The following SPEG variants were observed in gnomAD, a reference collection of about 807,000 sequenced individuals.
SPEG encodes the protein striated muscle preferentially expressed protein kinase.
SPEG carries 114 observed loss-of-function variants against 300.4 expected under a neutral mutation model. The observed-to-expected ratio is 0.38, with a 90% CI of 0.33 to 0.44. The LOEUF is 0.44. Ranked by LOEUF, SPEG falls within the 20% of genes least tolerant of loss-of-function variation. The pLI is 1.00. For missense variants in SPEG, 4,201 were observed against 4,586.2 expected (o/e 0.92, Z 2.43); for synonymous variants, 1,964 against 2,018.9 (o/e 0.97, Z 0.73).
chr2:219,489,716 G>A lies in SPEG; in HGVS notation c.8698G>A (p.Val2900Met), dbSNP rs1202142750. Residue 2900 changes from valine (V) to methionine (M), a missense_variant, in exon 36 of 41, where the codon GTG (valine) becomes ATG (methionine). Transcript: ENST00000312358. ...TAAACCAGTGTCTTCCTCTACTCCT[G>A]TGTATGTGGTGACTTCCTTTGTGTC... ...GVKPVSSSTP[V>M]YVVTSFVSAP... 6.2e-7 allele frequency: 1 copy of A among 1,614,026 alleles called. No individual in the cohort carries two copies. Among genetic ancestry groups the A allele is most frequent in the South Asian group, 1.1e-5 (1 of 91,074 alleles).
At chr2:219,471,201 C>T (rs1484363073) in intron 13 of SPEG, among the ~76,000 whole-genome samples, 1 of 152,154 alleles carries the variant, frequency 6.6e-6, no homozygotes, top group Non-Finnish European at 1.5e-5. Context: ...CCCACTTAAA[C>T]TATGTCTTGA....
intron 6 of SPEG, among the ~76,000 whole-genome samples, chr2:219,452,180 A>G (rs1430587489): frequency 6.6e-6 from 1 of 152,130 alleles, no homozygotes; most frequent in African/African-American, 2.4e-5. Flanking sequence ...AGGGTTTAAG[A>G]GCCACCACAA....
chr2:219,448,684 A>T lies in SPEG; in HGVS notation c.1526A>T (p.Glu509Val), dbSNP rs1361800090. The T allele has an allele frequency of 1.3e-6, 2 of 1,493,522 alleles. No homozygotes were observed. The highest frequency in any genetic ancestry group is 1.8e-6 in the Non-Finnish European group (2 of 1,129,854). The allele number at this position is 1,493,522 out of a possible 1,614,324, so 92.5% of individuals were successfully genotyped here. The change falls in exon 4 of 41, where the codon GAG (glutamate) becomes GTG (valine). Residue 509 changes from glutamate to valine, a missense_variant. This residue lies in a region of SPEG where 1,258 missense variants were observed against 1,293.9 expected (regional missense o/e 0.97). Coordinates refer to ENST00000312358, the MANE Select transcript of SPEG (RefSeq NM_005876.5). ...GRIRRSTSRE[E>V]LVRSHESLRA... ...ATCCGCCGCTCCACGTCGCGGGAGG[A>T]GCTGGTGCGCTCGCACGAGTCCCTG...
rs751326125 is a variant in SPEG at position 219,492,630 on chromosome 2, A to G, written c.9648A>G (p.Pro3216=). The change falls in exon 41 of 41, where the codon CCA becomes CCG. Residue 3216 remains proline (P), a synonymous_variant. Transcript: ENST00000312358. ...CCCTGCAGGACTGCCTGGCCCACCC[A>G]TGGTTGCAGGACGCCTACCTGATGA... ...RPSLQDCLAH[P]WLQDAYLMKL... is the part of the protein sequence containing the mutation. 1.2e-6 allele frequency: 2 copies of G among 1,610,986 alleles called. No homozygotes were observed. Among genetic ancestry groups the G allele is most frequent in the South Asian group, 1.1e-5 (1 of 91,072 alleles).
Position 219,435,179 on chromosome 2 carries a change from G to C in SPEG, c.202G>C (p.Gly68Arg). The change falls in exon 1 of 41, where the codon GGG becomes CGG. Residue 68 changes from glycine to arginine, a missense_variant. Coordinates refer to ENST00000312358, the MANE Select transcript of SPEG (RefSeq NM_005876.5). The stretch of plus-strand genomic sequence containing the variant: ...CGTGCGGCTGCGGGTGGTGGTGAGC[G>C]GGACGCCCCAGCCCAGCCTCCGCTG... Reference protein sequence around the residue: ...SDVRLRVVVSGTPQPSLRWFR... With the variant: ...SDVRLRVVVSRTPQPSLRWFR... 2.0e-6 allele frequency: 3 copies of C among 1,478,274 alleles called. No individual in the cohort carries two copies. The highest frequency in any genetic ancestry group is 1.3e-5 in the South Asian group (1 of 77,048). 91.6% of individuals were successfully genotyped at this position (1,478,274 alleles called of 1,614,324 possible). A position where few individuals can be genotyped will look rare whatever the true frequency, so the allele number is the denominator to read the frequency against.
At position 219,443,371 on chromosome 2, in the gene SPEG, A is replaced by T. The variant is rs1689065232; in HGVS notation, c.389-1282A>T. ...GGGCGGCTCACTAGCACACCCCTGCATGGACTGGGTGCCCTGTTCTCCATG... is the reference window on the plus strand; with the variant it reads ...GGGCGGCTCACTAGCACACCCCTGCTTGGACTGGGTGCCCTGTTCTCCATG... On this transcript the variant is annotated intron_variant, in intron 1 of 40. Transcript: ENST00000312358. The surrounding 1 kb of genome is among the most constrained non-coding windows in gnomAD (Gnocchi z 4.6). 3.3e-6 allele frequency: 2 copies of T among 603,134 alleles called. No homozygotes were observed. The highest frequency in any genetic ancestry group is 5.3e-5 in the Admixed American group (2 of 37,800). The allele number at this position is 603,134 out of a possible 1,614,324, so 37.4% of individuals were successfully genotyped here.
Position 219,483,303 on chromosome 2 carries a change from G to A in SPEG, c.5840G>A (p.Arg1947Gln), listed in dbSNP as rs1209727234. ...CTGCAGCCCGAGTTCTCTGGCTCCC[G>A]GGTGTCCCTCACAGACATTCCCACT... ...RPLQPEFSGSRVSLTDIPTED... is the reference protein window; with the variant it reads ...RPLQPEFSGSQVSLTDIPTED... The change falls in exon 30 of 41, where the codon CGG becomes CAG. Residue 1947 changes from arginine to glutamine, a missense_variant. Arg to Gln is a conservative substitution (Grantham distance 43). This residue lies in a region of SPEG where 1,578 missense variants were observed against 1,506.0 expected (regional missense o/e 1.05). Coordinates refer to ENST00000312358, the MANE Select transcript of SPEG (RefSeq NM_005876.5). The A allele has an allele frequency of 2.5e-6, 4 of 1,606,140 alleles. No individual in the cohort carries two copies. The highest frequency in any genetic ancestry group is 1.3e-5 in the African/African-American group (1 of 74,788).
chr2:219,460,188 TG>T, intron 6 of SPEG: 1 of 575,544 alleles, frequency 1.7e-6, no homozygotes, highest in Non-Finnish European at 2.2e-6. Flanking sequence ...TGGTGGCTGC[TG>T]GCCAGACCTT....
intron 1 of SPEG, among the ~76,000 whole-genome samples, chr2:219,442,542 C>G (rs1190523426): frequency 3.3e-5 from 5 of 151,342 alleles, no homozygotes; most frequent in African/African-American, 1.2e-4. Context: ...ATTCCCCAAG[C>G]CCTGCCCTGT....
Position 219,444,427 on chromosome 2 carries a change from G to A in SPEG, c.389-226G>A, listed in dbSNP as rs564701868. 8.0e-4 allele frequency among the ~76,000 whole-genome samples: 122 copies of A among 152,132 alleles called. No individual in the cohort carries two copies. The highest frequency in any genetic ancestry group is 2.6e-3 in the African/African-American group (107 of 41,512). On this transcript the variant is annotated intron_variant, in intron 1 of 40. Coordinates refer to ENST00000312358, the MANE Select transcript of SPEG (RefSeq NM_005876.5). This position sits in a 1 kb window ranked among gnomAD's most constrained non-coding sequence, Gnocchi z 7.8. ...TTTGGAGGGCCCTACGGAGGTAAACGTGAGTAACCAGGGGCCCAGAGATGG... is the reference window on the plus strand; with the variant it reads ...TTTGGAGGGCCCTACGGAGGTAAACATGAGTAACCAGGGGCCCAGAGATGG...
chr2:219,463,392 A>ATTTTTTTTTTTT (rs71040459), intron 8 of SPEG, among the ~76,000 whole-genome samples: 2 of 23,946 alleles, frequency 8.4e-5, no homozygotes, highest in Non-Finnish European at 1.4e-4. Context: ...CCCCACTGTG[A>ATTTTTTTTTTTT]TTTTTTTTTT....
chr2:219,481,233 GC>G lies in SPEG; in HGVS notation c.5370-68del. On this transcript the variant is annotated intron_variant, in intron 26 of 40. Transcript: ENST00000312358. This position sits in a 1 kb window ranked among gnomAD's most constrained non-coding sequence, Gnocchi z 5.4. Reference sequence around the variant, plus strand: ...ACCCCAGAGCCTCCATCTGTCCCCAGCCCTGTGCCCCCACTGACATTCCCCT... The same window carrying G: ...ACCCCAGAGCCTCCATCTGTCCCCAGCCTGTGCCCCCACTGACATTCCCCT... 1 of 1,520,428 alleles carries G rather than the reference GC, an allele frequency of 6.6e-7. No homozygotes were observed. The highest frequency in any genetic ancestry group is 9.0e-7 in the Non-Finnish European group (1 of 1,108,566). 94.2% of individuals were successfully genotyped at this position (1,520,428 alleles called of 1,614,324 possible).
Position 219,473,137 on chromosome 2 carries a change from T to C in SPEG, c.4147+41T>C. On this transcript the variant is annotated intron_variant, in intron 16 of 40. Coordinates refer to ENST00000312358, the MANE Select transcript of SPEG (RefSeq NM_005876.5). The surrounding 1 kb of genome is among the most constrained non-coding windows in gnomAD (Gnocchi z 4.6). ...CCTGTCGGGTGGGGGTGGGAGCTGC[T>C]GGGATGGGGAATGGGGGCCCTGTGG... 6.3e-7 allele frequency: 1 copy of C among 1,578,386 alleles called. No individual in the cohort carries two copies.
rs951110765 is a variant in SPEG at position 219,477,541 on chromosome 2, G to A, written c.4729+96G>A. 2.8e-6 allele frequency: 4 copies of A among 1,416,478 alleles called. No homozygotes were observed. Among genetic ancestry groups the A allele is most frequent in the East Asian group, 2.5e-5 (1 of 39,988 alleles). 87.7% of individuals were successfully genotyped at this position (1,416,478 alleles called of 1,614,324 possible). A position where few individuals can be genotyped will look rare whatever the true frequency, so the allele number is the denominator to read the frequency against. ...CCAGGAAGCAGCCAGCCCTGGACTCGAGCCACCACACCCCCAGCCCAGCAC... is the reference window on the plus strand; with the variant it reads ...CCAGGAAGCAGCCAGCCCTGGACTCAAGCCACCACACCCCCAGCCCAGCAC... On this transcript the variant is annotated intron_variant, in intron 20 of 40. Transcript: ENST00000312358. This position sits in a 1 kb window ranked among gnomAD's most constrained non-coding sequence, Gnocchi z 6.4.
At chr2:219,486,753 GGGGCTGGCA>G (rs924627734) in intron 31 of SPEG, among the ~76,000 whole-genome samples, 2 of 152,094 alleles carry the variant, frequency 1.3e-5, no homozygotes, top group Non-Finnish European at 2.9e-5. Flanking sequence ...TGGGGCTGGC[GGGGCTGGCA>G]GGGCTGGGCC....
intron 6 of SPEG, 164 bp from the exon 7 acceptor site, chr2:219,461,718 G>A: frequency 1.2e-6 from 1 of 858,712 alleles, no homozygotes; most frequent in Non-Finnish European, 1.8e-6. Context: ...GGCTCAGGGA[G>A]GGGAAGAAGC....
At chr2:219,438,305 T>C (rs1440199471) in intron 1 of SPEG, among the ~76,000 whole-genome samples, 1 of 152,200 alleles carries the variant, frequency 6.6e-6, no homozygotes, top group Non-Finnish European at 1.5e-5. Context: ...ATTATTCATA[T>C]AGAAAAACTG....
Position 219,480,798 on chromosome 2 carries a change from C to T in SPEG, c.5369+101C>T. The stretch of plus-strand genomic sequence containing the variant: ...CCCTTCTCTTCCGCACCCCCCACTC[C>T]TTCTTGCACTGCAAGGAGCCTCATG... On this transcript the variant is annotated intron_variant, in intron 26 of 40. Coordinates refer to ENST00000312358, the MANE Select transcript of SPEG (RefSeq NM_005876.5). The surrounding 1 kb of genome is among the most constrained non-coding windows in gnomAD (Gnocchi z 5.3). 1.8e-6 allele frequency: 2 copies of T among 1,103,106 alleles called. No homozygotes were observed. Among genetic ancestry groups the T allele is most frequent in the Non-Finnish European group, 2.8e-6 (2 of 720,432 alleles). The allele number at this position is 1,103,106 out of a possible 1,614,324, so 68.3% of individuals were successfully genotyped here. A position where few individuals can be genotyped will look rare whatever the true frequency, so the allele number is the denominator to read the frequency against.
intron 14 of SPEG, 65 bp from the exon 15 acceptor site, chr2:219,472,162 G>T (rs1691934296): frequency 1.3e-6 from 2 of 1,569,518 alleles, no homozygotes; most frequent in Admixed American, 1.7e-5. Context: ...CTGCCCTGAG[G>T]CTCGGTGATC....
Sources: gnomAD v4.1 joint callset for allele counts (sites outside exome capture counted in the v4.1 genomes callset) on GRCh38, gnomAD v4.1.1 for gene constraint, gnomAD v4.1.1 regional missense constraint, Gnocchi (gnomAD v3.1) non-coding constraint, MANE v1.5 for transcripts, NCBI Gene and HGNC (gene_info 2026-07-23, HGNC 2026-07-21) for gene names.